LIPG: variants seen among roughly 807,000 people sequenced by gnomAD.
The protein encoded by LIPG is lipase G, endothelial type.
A neutral mutation model predicts 51.8 loss-of-function variants in LIPG; 34 were observed. The observed-to-expected ratio is 0.66, with a 90% CI of 0.50 to 0.87. The LOEUF (loss-of-function observed/expected upper bound fraction) is 0.87. LIPG is among the 40% of genes least tolerant of loss of function. The pLI, the probability that LIPG is intolerant of heterozygous loss-of-function variation, is 0.00. For synonymous variants in LIPG, 246 were observed against 246.1 expected (o/e 1.00, Z 0.00); for missense variants, 580 against 652.7 (o/e 0.89, Z 1.21).
intron 1 of LIPG, among the ~76,000 whole-genome samples, chr18:49,564,120 T>TC (rs2084578546): frequency 6.6e-6 from 1 of 152,130 alleles, no homozygotes; most frequent in Non-Finnish European, 1.5e-5. Context: ...GCTGCATTCT[T>TC]CCCCCTCTCT....
In LIPG at chr18:49,582,435, C is replaced by CA; in HGVS notation, c.1111dup (p.Thr371AsnfsTer6). ...GAGAAATTGAGCCCACCTTTTACGT[C>CA]ACCCTTTATGGCACTAATGCAGATT... is the stretch of plus-strand genomic sequence containing the variant. On this transcript the variant is annotated frameshift_variant, in exon 7 of 10. Transcript: ENST00000261292. LOFTEE classifies it high-confidence loss of function. The CA allele has an allele frequency of 6.2e-7, 1 of 1,614,190 alleles. No homozygotes were observed. The highest frequency in any genetic ancestry group is 8.5e-7 in the Non-Finnish European group (1 of 1,180,002).
At chr18:49,563,107 G>C (rs1413218349) in intron 1 of LIPG, among the ~76,000 whole-genome samples, 1 of 152,290 alleles carries the variant, frequency 6.6e-6, no homozygotes. Flanking sequence ...CAGCTCTGGG[G>C]GAGTCAGAAT....
rs918554237 is a variant in LIPG, at chr18:49,595,945, A to G, written c.*5423A>G. 6.6e-6 allele frequency: 1 copy of G among 152,242 alleles called. No homozygotes were observed. The highest frequency in any genetic ancestry group is 2.4e-5 in the African/African-American group (1 of 41,464). 9.4% of individuals were successfully genotyped at this position (152,242 alleles called of 1,614,324 possible). A position where few individuals can be genotyped will look rare whatever the true frequency, so the allele number is the denominator to read the frequency against. On this transcript the variant is annotated 3_prime_UTR_variant, in exon 10 of 10. Coordinates refer to ENST00000261292, the MANE Select transcript of LIPG (RefSeq NM_006033.4). ...GGAAAGGAATGGATGGATGATGAGA[A>G]AGTAGGCTCATTTGACAAAGAGAAA...
At chr18:49,573,382 G>A (rs1315389451) in intron 4 of LIPG, among the ~76,000 whole-genome samples, 1 of 152,090 alleles carries the variant, frequency 6.6e-6, no homozygotes, top group African/African-American at 2.4e-5. Flanking sequence ...AAACTCTCAA[G>A]CAGCCTGGGC....
chr18:49,592,924 ATTTTTTTT>A lies in LIPG; in HGVS notation c.*2421_*2428del, dbSNP rs1023534320. On this transcript the variant is annotated 3_prime_UTR_variant, in exon 10 of 10. Coordinates refer to ENST00000261292, the MANE Select transcript of LIPG (RefSeq NM_006033.4). ...AAGTTCTTAATGGTCTGACAACTCAATTTTTTTTTTTTTTTTTTTTTTTTTTGAGACAG... is the reference window on the plus strand; with the variant it reads ...AAGTTCTTAATGGTCTGACAACTCAATTTTTTTTTTTTTTTTTTGAGACAG... 7.0e-5 allele frequency: 8 copies of A among 113,584 alleles called. 1 individual carries two copies. In the South Asian group the frequency reaches 8.8e-4, roughly 13 times the overall value. 7.0% of individuals were successfully genotyped at this position (113,584 alleles called of 1,614,324 possible).
At position 49,575,398 on chromosome 18, in the gene LIPG, G is replaced by A; in HGVS notation, c.601G>A (p.Gly201Arg). 3 of 1,613,284 alleles carry A rather than the reference G, an allele frequency of 1.9e-6. No individual in the cohort carries two copies. The highest frequency in any genetic ancestry group is 2.2e-5 in the South Asian group (2 of 91,028). ...GGATCCTGCCGGGCCCATGTTTGAA[G>A]GGGCCGACATCCACAAGAGGCTCTC... ...GLDPAGPMFE[G>R]ADIHKRLSPD... Residue 201 changes from glycine (G) to arginine (R), a missense_variant, in exon 5 of 10, where the codon GGG (glycine) becomes AGG (arginine). Gly to Arg is a moderately radical substitution (Grantham distance 125, BLOSUM62 -2). Transcript: ENST00000261292.
intron 9 of LIPG, 27 bp downstream of exon 9, chr18:49,586,877 A>T (rs769711598): frequency 6.6e-7 from 1 of 1,512,564 alleles, no homozygotes; most frequent in Admixed American, 1.7e-5. Flanking sequence ...CACACGTTCC[A>T]CCCAGGACAC....
At chr18:49,589,675 A>G (rs1441711079) in intron 9 of LIPG, 3 of 152,418 alleles carry the variant, frequency 2.0e-5, no homozygotes, top group Non-Finnish European at 2.9e-5. Context: ...GCTGGTCTCT[A>G]TCTCCTGAGC....
At chr18:49,587,447 T>C (rs2084894160) in intron 9 of LIPG, among the ~76,000 whole-genome samples, 1 of 151,670 alleles carries the variant, frequency 6.6e-6, no homozygotes, top group South Asian at 2.1e-4. Context: ...CGGGTGCCTG[T>C]AGTCCCAGCT....
At chr18:49,561,676 C>G, upstream of LIPG, 1 of 1,242,576 alleles carries the variant, frequency 8.0e-7, no homozygotes, top group East Asian at 3.1e-5. Context: ...GGCTTTGAGC[C>G]TTGGAGAGGA....
Position 49,595,009 on chromosome 18 carries a change from C to G in LIPG, c.*4487C>G, listed in dbSNP as rs999034738. 1 of 152,210 alleles carries G rather than the reference C, an allele frequency of 6.6e-6. No homozygotes were observed. The highest frequency in any genetic ancestry group is 2.1e-4 in the South Asian group (1 of 4,828). The allele number at this position is 152,210 out of a possible 1,614,324, so 9.4% of individuals were successfully genotyped here. ...TAGAGTCAGGGGAACTTCCACAGGACTTCCTTTGACTCTCCAAACAAGCTG... is the reference window on the plus strand; with the variant it reads ...TAGAGTCAGGGGAACTTCCACAGGAGTTCCTTTGACTCTCCAAACAAGCTG... On this transcript the variant is annotated 3_prime_UTR_variant, in exon 10 of 10. Coordinates refer to ENST00000261292, the MANE Select transcript of LIPG (RefSeq NM_006033.4).
At chr18:49,590,456 T>A in intron 9 of LIPG, 45 bp from the exon 10 acceptor site, 1 of 1,583,486 alleles carries the variant, frequency 6.3e-7, no homozygotes, top group Non-Finnish European at 8.6e-7. Flanking sequence ...GCGCGTTTGC[T>A]GGTGTGTGAG....
Position 49,592,560 on chromosome 18 carries a change from T to C in LIPG, c.*2038T>C. 6.5e-6 allele frequency: 1 copy of C among 154,904 alleles called. No individual in the cohort carries two copies. The allele number at this position is 154,904 out of a possible 1,614,324, so 9.6% of individuals were successfully genotyped here. ...TGAGGGGTTTTCCCATTTTTTGTCT[T>C]GTTGGTGCTCAAAAAGTTTTGGATT... On this transcript the variant is annotated 3_prime_UTR_variant, in exon 10 of 10. Transcript: ENST00000261292.
chr18:49,590,710 C>A lies in LIPG; in HGVS notation c.*188C>A. On this transcript the variant is annotated 3_prime_UTR_variant, in exon 10 of 10. Transcript: ENST00000261292. ...GCGGGAGGGGACTGCGCTGCTATAG[C>A]TCTTGCTGCCTCTCTTGAATAGCTC... 1 of 657,436 alleles carries A rather than the reference C, an allele frequency of 1.5e-6. No individual in the cohort carries two copies. 40.7% of individuals were successfully genotyped at this position (657,436 alleles called of 1,614,324 possible). A position where few individuals can be genotyped will look rare whatever the true frequency, so the allele number is the denominator to read the frequency against.
chr18:49,582,203 T>C (rs1251446632), intron 6 of LIPG, among the ~76,000 whole-genome samples, 159 bp from the exon 7 acceptor site: 2 of 152,170 alleles, frequency 1.3e-5, no homozygotes, highest in South Asian at 4.1e-4. Context: ...TGGCCTCTTA[T>C]GGCATTGGAC....
At chr18:49,577,660 C>T (rs1316052587) in intron 5 of LIPG, among the ~76,000 whole-genome samples, 2 of 115,738 alleles carry the variant, frequency 1.7e-5, no homozygotes, top group Non-Finnish European at 4.0e-5. Flanking sequence ...ACCCCCCCAC[C>T]TCCCTCCCGG....
Position 49,590,924 on chromosome 18 carries a change from C to G in LIPG, c.*402C>G, listed in dbSNP as rs2084936593. 2 of 311,172 alleles carry G rather than the reference C, an allele frequency of 6.4e-6. No individual in the cohort carries two copies. Among genetic ancestry groups the G allele is most frequent in the East Asian group, 7.5e-5 (1 of 13,288 alleles). The allele number at this position is 311,172 out of a possible 1,614,324, so 19.3% of individuals were successfully genotyped here. A position where few individuals can be genotyped will look rare whatever the true frequency, so the allele number is the denominator to read the frequency against. ...AGAAGGCTGTCAGCTGCTCAGCCTG[C>G]TTTGAGCCTCAGTGAGAAGTCCTTC... On this transcript the variant is annotated 3_prime_UTR_variant, in exon 10 of 10. Transcript: ENST00000261292.
intron 5 of LIPG, among the ~76,000 whole-genome samples, chr18:49,581,173 T>A (rs1249296432): frequency 1.3e-5 from 2 of 152,112 alleles, no homozygotes; most frequent in African/African-American, 4.8e-5. Context: ...GGTGAGAGGA[T>A]CACCTGAATC....
In LIPG at chr18:49,594,344, A is replaced by T. The variant is rs1194710400; in HGVS notation, c.*3822A>T. 2.6e-5 allele frequency: 4 copies of T among 152,226 alleles called. No homozygotes were observed. Among genetic ancestry groups the T allele is most frequent in the Non-Finnish European group, 5.9e-5 (4 of 68,074 alleles). 9.4% of individuals were successfully genotyped at this position (152,226 alleles called of 1,614,324 possible). Reference sequence around the variant, plus strand: ...GAGACAAGGTTTCACCATGTTGGCCAGGCTGGTCTTGAACTCCTGACCTCA... The same window carrying T: ...GAGACAAGGTTTCACCATGTTGGCCTGGCTGGTCTTGAACTCCTGACCTCA... On this transcript the variant is annotated 3_prime_UTR_variant, in exon 10 of 10. Coordinates refer to ENST00000261292, the MANE Select transcript of LIPG (RefSeq NM_006033.4).
Sources: gnomAD v4.1 joint callset for allele counts (sites outside exome capture counted in the v4.1 genomes callset) on GRCh38, gnomAD v4.1.1 for gene constraint, MANE v1.5 for transcripts, NCBI Gene and HGNC (gene_info 2026-07-23, HGNC 2026-07-21) for gene names.